ADGRV1: variants seen among roughly 807,000 people sequenced by gnomAD.
ADGRV1 encodes the protein adhesion G protein-coupled receptor V1.
ADGRV1 carries 359 observed loss-of-function variants against 596.2 expected under a neutral mutation model. That is an observed-to-expected ratio of 0.60 (90% CI 0.55 to 0.66). ADGRV1 has a LOEUF of 0.66. Ranked by LOEUF, ADGRV1 falls within the 30% of genes least tolerant of loss-of-function variation. The pLI is 0.00. For synonymous variants in ADGRV1, 2,681 were observed against 2,679.2 expected, an observed-to-expected ratio of 1.00 and a Z score of -0.02; for missense variants, 7,274 against 7,575.6, an observed-to-expected ratio of 0.96 and a Z score of 1.48.
At chr5:90,695,627 T>C (rs1326003186) in intron 33 of ADGRV1, among the ~76,000 whole-genome samples, 1 of 152,148 alleles carries the variant, frequency 6.6e-6, no homozygotes, top group Non-Finnish European at 1.5e-5. Flanking sequence ...TTTTAAGGCA[T>C]ATACTTTTTT....
At chr5:90,816,201 T>C (rs953744583) in intron 75 of ADGRV1, among the ~76,000 whole-genome samples, 3 of 152,174 alleles carry the variant, frequency 2.0e-5, no homozygotes, top group African/African-American at 2.4e-5. Context: ...TGGTCTCCCT[T>C]TGCCCTATTT....
At chr5:91,022,903 A>G (rs1056335340) in intron 85 of ADGRV1, among the ~76,000 whole-genome samples, 4 of 152,142 alleles carry the variant, frequency 2.6e-5, no homozygotes, top group African/African-American at 9.7e-5. Flanking sequence ...CTATTTTAAA[A>G]TGTCATATTT....
At chr5:90,923,257 CAA>C (rs1333820033) in intron 83 of ADGRV1, among the ~76,000 whole-genome samples, 1 of 151,870 alleles carries the variant, frequency 6.6e-6, no homozygotes, top group Non-Finnish European at 1.5e-5. Flanking sequence ...TTTTCATAAA[CAA>C]ATATTATAGT....
chr5:90,856,349 A>G (rs1470575830), intron 82 of ADGRV1, among the ~76,000 whole-genome samples: 2 of 152,346 alleles, frequency 1.3e-5, no homozygotes, highest in African/African-American at 4.8e-5. Flanking sequence ...TGTATTCTAC[A>G]ACTTAAGAGT....
At chr5:90,975,156 A>G (rs1779443853) in intron 84 of ADGRV1, among the ~76,000 whole-genome samples, 1 of 151,756 alleles carries the variant, frequency 6.6e-6, no homozygotes, top group African/African-American at 2.4e-5. Flanking sequence ...ATGAGATACC[A>G]TCTCACACCA....
intron 74 of ADGRV1, among the ~76,000 whole-genome samples, chr5:90,812,102 T>A (rs111991294): frequency 0.016 from 2,408 of 152,030 alleles, 66 homozygotes; most frequent in African/African-American, 0.056. Context: ...TAATTTTTTT[T>A]ATTTTTAGTA....
At chr5:90,948,804 A>G (rs1023442392) in intron 83 of ADGRV1, among the ~76,000 whole-genome samples, 3 of 152,148 alleles carry the variant, frequency 2.0e-5, no homozygotes, top group Admixed American at 6.5e-5. Context: ...GTATTGTACT[A>G]AAAGTGGAAA....
chr5:90,856,117 T>C (rs750490444), intron 82 of ADGRV1, among the ~76,000 whole-genome samples: 6 of 152,080 alleles, frequency 3.9e-5, no homozygotes, highest in Non-Finnish European at 8.8e-5. Context: ...AATGAGACAG[T>C]TTCACCCCAT....
intron 13 of ADGRV1, 61 bp downstream of exon 13, chr5:90,643,102 T>G: frequency 7.4e-7 from 1 of 1,342,958 alleles, no homozygotes; most frequent in Non-Finnish European, 1.0e-6. Flanking sequence ...TGGTATATTA[T>G]GAATATAAAT....
At chr5:90,940,371 T>C (rs1266710448) in intron 83 of ADGRV1, among the ~76,000 whole-genome samples, 4 of 152,212 alleles carry the variant, frequency 2.6e-5, no homozygotes, top group Non-Finnish European at 5.9e-5. Context: ...AGGCCAGGTA[T>C]GGTTGGCATT....
chr5:91,146,981 G>A (rs1795587530), intron 87 of ADGRV1, among the ~76,000 whole-genome samples: 1 of 151,968 alleles, frequency 6.6e-6, no homozygotes. Context: ...GGGCAACATG[G>A]CAAAACCCCA....
chr5:91,150,009 C>CTTTTTTTTTTTTTTTTTTTTTTT, intron 87 of ADGRV1, 21 bp from the exon 88 acceptor site: 1 of 1,288,700 alleles, frequency 7.8e-7, no homozygotes, highest in African/African-American at 1.7e-5. Flanking sequence ...CTTTTCTTTT[C>CTTTTTTTTTTTTTTTTTTTTTTT]TTTTTTTTTT....
chr5:90,901,565 T>C (rs566943908), intron 83 of ADGRV1, among the ~76,000 whole-genome samples: 3 of 152,306 alleles, frequency 2.0e-5, no homozygotes, highest in South Asian at 4.1e-4. Flanking sequence ...TTGTAATTCC[T>C]GTGCATGTTA....
In ADGRV1 at chr5:91,086,148, CCTGAAAACT is replaced by C. The variant is rs1789855744; in HGVS notation, c.18310+13550_18310+13558del. 3.9e-5 allele frequency among the ~76,000 whole-genome samples: 6 copies of C among 152,266 alleles called. No homozygotes were observed. In the South Asian group the frequency reaches 1.2e-3, roughly 32 times the overall value. On this transcript the variant is annotated intron_variant, in intron 86 of 89. Coordinates refer to ENST00000405460, the MANE Select transcript of ADGRV1 (RefSeq NM_032119.4). ...CAGGTCATAGCCCTTTCTTCTTATGCCTGAAAACTCTGAAGTATATGTATTTTCCAGGGA... is the reference window on the plus strand; with the variant it reads ...CAGGTCATAGCCCTTTCTTCTTATGCCTGAAGTATATGTATTTTCCAGGGA...
At chr5:90,975,961 CCTT>C (rs983598945) in intron 84 of ADGRV1, among the ~76,000 whole-genome samples, 45 of 151,832 alleles carry the variant, frequency 3.0e-4, no homozygotes, top group African/African-American at 1.0e-3. Context: ...TTCTGTTTTT[CCTT>C]CTTCTGTTCT....
rs764995701 is a variant in ADGRV1 at position 90,854,080 on chromosome 5, A to G, written c.17473A>G (p.Lys5825Glu). 1.3e-6 allele frequency: 2 copies of G among 1,584,362 alleles called. No homozygotes were observed. Among genetic ancestry groups the G allele is most frequent in the Non-Finnish European group, 1.7e-6 (2 of 1,161,228 alleles). The change falls in exon 81 of 90, where the codon AAA (lysine) becomes GAA (glutamate). Residue 5825 changes from lysine (K) to glutamate (E), a missense_variant. Lys to Glu is a moderately conservative substitution (Grantham distance 56). Around this residue, in one of 5 missense-constraint regions of ADGRV1, gnomAD observed 1,874 missense variants for 1,970.2 expected, o/e 0.95. Coordinates refer to ENST00000405460, the MANE Select transcript of ADGRV1 (RefSeq NM_032119.4). ...ATTCTAGGTATTATCTTTGAGTGTG[A>G]AAGGTCAGAGTTCACAACTCCTGAC... ...LKNKVLSLSV[K>E]GQSSQLLTND...
In ADGRV1 at chr5:90,790,874, T is replaced by C. The variant is rs1308181579; in HGVS notation, c.14045T>C (p.Val4682Ala). ...RVKGTFGEIM[V>A]YWELSSEFDI... ...TTGAGTTTTTTTCTTTTATTTTAGG[T>C]TTACTGGGAATTAAGTAGTGAGTTT... The change falls in exon 70 of 90, where the codon GTT (valine) becomes GCT (alanine). Residue 4682 changes from valine to alanine, a missense_variant and splice_region_variant. Physicochemically the swap from Val to Ala is moderately conservative, Grantham distance 64. Transcript: ENST00000405460. 6 of 1,588,044 alleles carry C rather than the reference T, an allele frequency of 3.8e-6. No individual in the cohort carries two copies. The South Asian group carries it at 5.7e-5, about 15-fold the overall frequency.
At chr5:90,993,039 TC>T (rs554077832) in intron 85 of ADGRV1, among the ~76,000 whole-genome samples, 5 of 152,122 alleles carry the variant, frequency 3.3e-5, no homozygotes, top group Non-Finnish European at 7.4e-5. Flanking sequence ...TCACCAGTTT[TC>T]CCCCAATGTC....
At chr5:90,878,147 T>C (rs1415367510) in intron 83 of ADGRV1, among the ~76,000 whole-genome samples, 1 of 152,208 alleles carries the variant, frequency 6.6e-6, no homozygotes, top group African/African-American at 2.4e-5. Flanking sequence ...TTCTCCTAAA[T>C]AGAAGCAAGT....
Sources: allele counts gnomAD v4.1 joint callset (sites outside exome capture counted in the v4.1 genomes callset), GRCh38; gene constraint gnomAD v4.1.1; regional missense constraint gnomAD v4.1.1; transcripts MANE v1.5; gene names NCBI Gene and HGNC (gene_info 2026-07-23, HGNC 2026-07-21).